Variants in HRK observed in about 807,000 individuals in gnomAD.
HRK encodes the protein harakiri, BCL2 interacting protein.
In HRK, 6 loss-of-function variants were observed where a neutral mutation model predicts 5.9. That is an observed-to-expected ratio of 1.02 (90% CI 0.56 to 2.01). The LOEUF (loss-of-function observed/expected upper bound fraction) is 2.01. HRK is among the 30% of genes most tolerant of loss of function. The probability of loss-of-function intolerance (pLI) is 0.00; values close to 1 mark genes in which losing one functional copy is unlikely to be tolerated. For missense variants in HRK, 133 were observed against 128.3 expected (o/e 1.04, Z -0.18); for synonymous variants, 85 against 65.1 (o/e 1.31, Z -1.47).
chr12:116,858,904 T>G lies in HRK; in HGVS notation c.*2619A>C, dbSNP rs963261209. The G allele has an allele frequency of 6.6e-5, 10 of 152,032 alleles. No homozygotes were observed. The highest frequency in any genetic ancestry group is 1.5e-4 in the Non-Finnish European group (10 of 68,032). The allele number at this position is 152,032 out of a possible 1,614,324, so 9.4% of individuals were successfully genotyped here. A position where few individuals can be genotyped will look rare whatever the true frequency, so the allele number is the denominator to read the frequency against. ...AGAGATGGTGGAGACAATATATACA[T>G]ATATATCATGCTTCAATTTCCTAAT... On this transcript the variant is annotated 3_prime_UTR_variant, in exon 2 of 2. Transcript: ENST00000257572.
At chr12:116,865,817 C>T (rs1002069036) in intron 1 of HRK, among the ~76,000 whole-genome samples, 5 of 152,176 alleles carry the variant, frequency 3.3e-5, no homozygotes, top group Non-Finnish European at 7.4e-5. Flanking sequence ...GTATACTAGG[C>T]GCTCAATTCA....
chr12:116,875,052 T>A (rs1041350392), intron 1 of HRK, among the ~76,000 whole-genome samples: 2 of 151,994 alleles, frequency 1.3e-5, no homozygotes, highest in African/African-American at 2.4e-5. Flanking sequence ...GAAAAAAAAA[T>A]TTAAAAATAA....
chr12:116,868,330 TAGA>T (rs1006837893), intron 1 of HRK, among the ~76,000 whole-genome samples: 9 of 152,116 alleles, frequency 5.9e-5, no homozygotes, highest in African/African-American at 2.2e-4. Context: ...CAAATTCAGC[TAGA>T]AGACCACCCA....
intron 1 of HRK, among the ~76,000 whole-genome samples, chr12:116,880,180 C>T (rs1397038608): frequency 6.6e-6 from 1 of 152,188 alleles, no homozygotes; most frequent in African/African-American, 2.4e-5. Flanking sequence ...GTGCCCAGCA[C>T]CCCGAAGGAG....
At chr12:116,874,252 T>C (rs767383118) in intron 1 of HRK, among the ~76,000 whole-genome samples, 2 of 152,150 alleles carry the variant, frequency 1.3e-5, no homozygotes, top group Non-Finnish European at 2.9e-5. Context: ...ACACTGCTTG[T>C]TTTTCTTTCC....
At chr12:116,868,006 G>T (rs558091453) in intron 1 of HRK, among the ~76,000 whole-genome samples, 137 of 152,180 alleles carry the variant, frequency 9.0e-4, no homozygotes, top group African/African-American at 3.2e-3. Context: ...TTCTAAAGGG[G>T]TTTCTGACAT....
At position 116,857,495 on chromosome 12, in the gene HRK, A is replaced by G. The variant is rs1878193071; in HGVS notation, c.*4028T>C. On this transcript the variant is annotated 3_prime_UTR_variant, in exon 2 of 2. Coordinates refer to ENST00000257572, the MANE Select transcript of HRK (RefSeq NM_003806.4). ...CAAAATCTGTGTTCTGGTCAATGCA[A>G]CTTGTAATATCAGGTGGACACTCAA... The G allele has an allele frequency of 6.6e-6, 1 of 152,200 alleles. No homozygotes were observed. The highest frequency in any genetic ancestry group is 6.5e-5 in the Admixed American group (1 of 15,284). The allele number at this position is 152,200 out of a possible 1,614,324, so 9.4% of individuals were successfully genotyped here. A position where few individuals can be genotyped will look rare whatever the true frequency, so the allele number is the denominator to read the frequency against.
chr12:116,862,762 CG>C lies in HRK; in HGVS notation c.*57-1297del, dbSNP rs1351910026. ...TTTGTTTGTTTTTGAGACAAGGTCTCGTTCTGTTGCCCAGGCTGGAGTGCAG... is the reference window on the plus strand; with the variant it reads ...TTTGTTTGTTTTTGAGACAAGGTCTCTTCTGTTGCCCAGGCTGGAGTGCAG... On this transcript the variant is annotated intron_variant, in intron 1 of 1. Coordinates refer to ENST00000257572, the MANE Select transcript of HRK (RefSeq NM_003806.4). This position sits in a 1 kb window ranked among gnomAD's most constrained non-coding sequence, Gnocchi z 4.0. 6.6e-6 allele frequency among the ~76,000 whole-genome samples: 1 copy of C among 152,028 alleles called. No individual in the cohort carries two copies. Among genetic ancestry groups the C allele is most frequent in the Non-Finnish European group, 1.5e-5 (1 of 68,006 alleles).
At chr12:116,880,734 A>G (rs1479561203) in intron 1 of HRK, among the ~76,000 whole-genome samples, 1 of 152,300 alleles carries the variant, frequency 6.6e-6, no homozygotes, top group East Asian at 1.9e-4. Flanking sequence ...ATAAGTGAGT[A>G]GCAAGATGCG....
At chr12:116,871,040 TC>T (rs200401533) in intron 1 of HRK, among the ~76,000 whole-genome samples, 4,048 of 152,246 alleles carry the variant, frequency 0.027, 177 homozygotes, top group African/African-American at 0.092. Flanking sequence ...TGCCTCAGCC[TC>T]CCAGGTAGCT....
intron 1 of HRK, among the ~76,000 whole-genome samples, chr12:116,880,362 G>A (rs911990474): frequency 6.6e-6 from 1 of 152,188 alleles, no homozygotes; most frequent in Non-Finnish European, 1.5e-5. Flanking sequence ...AGTTGGCAGG[G>A]CAGAGGAAAA....
At chr12:116,865,905 C>A (rs979347923) in intron 1 of HRK, among the ~76,000 whole-genome samples, 1 of 152,122 alleles carries the variant, frequency 6.6e-6, no homozygotes, top group Non-Finnish European at 1.5e-5. Flanking sequence ...CGCCTGTAAT[C>A]CCAGCAATTT....
chr12:116,863,529 C>G (rs915475628), intron 1 of HRK, among the ~76,000 whole-genome samples: 9 of 152,158 alleles, frequency 5.9e-5, no homozygotes, highest in African/African-American at 2.2e-4. Context: ...TTGAAGCTGT[C>G]CTAAATTCTC....
Position 116,858,169 on chromosome 12 carries a change from T to C in HRK, c.*3354A>G, listed in dbSNP as rs1428452163. The C allele has an allele frequency of 8.4e-6, 1 of 118,950 alleles. No individual in the cohort carries two copies. The highest frequency in any genetic ancestry group is 1.8e-5 in the Non-Finnish European group (1 of 56,814). The allele number at this position is 118,950 out of a possible 1,614,324, so 7.4% of individuals were successfully genotyped here. ...AAAACAGGAACTGGGCTCTAAGAGA[T>C]GCGCAGGGCCAAAAAAAACCCAAAA... On this transcript the variant is annotated 3_prime_UTR_variant, in exon 2 of 2. Coordinates refer to ENST00000257572, the MANE Select transcript of HRK (RefSeq NM_003806.4).
In HRK at chr12:116,879,668, C is replaced by A. The variant is rs1879068070; in HGVS notation, c.*56+1308G>T. 6.6e-6 allele frequency: 1 copy of A among 152,158 alleles called. No homozygotes were observed. Among genetic ancestry groups the A allele is most frequent in the African/African-American group, 2.4e-5 (1 of 41,454 alleles). The allele number at this position is 152,158 out of a possible 1,614,324, so 9.4% of individuals were successfully genotyped here. On this transcript the variant is annotated intron_variant, in intron 1 of 1. Transcript: ENST00000257572. This position sits in a 1 kb window ranked among gnomAD's most constrained non-coding sequence, Gnocchi z 5.6. ...TTCGCCAGCGCCCGGGCTGCGCGGG[C>A]CCACGCGACATCTGTCGCCTGCGGT...
chr12:116,881,311 C>T lies in HRK; in HGVS notation c.-4G>A. 1 of 1,064,054 alleles carries T rather than the reference C, an allele frequency of 9.4e-7. No individual in the cohort carries two copies. Among genetic ancestry groups the T allele is most frequent in the Non-Finnish European group, 1.1e-6 (1 of 882,496 alleles). The allele number at this position is 1,064,054 out of a possible 1,614,324, so 65.9% of individuals were successfully genotyped here. ...GGTGCAGGGGGCACGGGCACATGAC[C>T]GCTGGCCTCGCTCCCGCCCCGCGCT... is the stretch of plus-strand genomic sequence containing the variant. On this transcript the variant is annotated 5_prime_UTR_variant, in exon 1 of 2. Coordinates refer to ENST00000257572, the MANE Select transcript of HRK (RefSeq NM_003806.4).
chr12:116,872,946 A>G (rs61937625), intron 1 of HRK, among the ~76,000 whole-genome samples: 1 of 5,108 alleles, frequency 2.0e-4, no homozygotes, highest in African/African-American at 1.1e-3. Flanking sequence ...AATGGCAGAA[A>G]GAAGGAAAGA....
chr12:116,859,101 T>C lies in HRK; in HGVS notation c.*2422A>G, dbSNP rs1306811195. 6.6e-6 allele frequency: 1 copy of C among 152,184 alleles called. No individual in the cohort carries two copies. The highest frequency in any genetic ancestry group is 1.5e-5 in the Non-Finnish European group (1 of 68,042). The allele number at this position is 152,184 out of a possible 1,614,324, so 9.4% of individuals were successfully genotyped here. ...AAACAGGAGAATATCTACAAGGGAC[T>C]TGGCTGAGAAGCTCTATCAGGAGGT... On this transcript the variant is annotated 3_prime_UTR_variant, in exon 2 of 2. Coordinates refer to ENST00000257572, the MANE Select transcript of HRK (RefSeq NM_003806.4).
chr12:116,881,031 C>A lies in HRK; in HGVS notation c.*1G>T. 1 of 1,342,566 alleles carries A rather than the reference C, an allele frequency of 7.4e-7. No homozygotes were observed. Among genetic ancestry groups the A allele is most frequent in the South Asian group, 1.9e-5 (1 of 52,452 alleles). 83.2% of individuals were successfully genotyped at this position (1,342,566 alleles called of 1,614,324 possible). A position where few individuals can be genotyped will look rare whatever the true frequency, so the allele number is the denominator to read the frequency against. On this transcript the variant is annotated 3_prime_UTR_variant, in exon 1 of 2. Coordinates refer to ENST00000257572, the MANE Select transcript of HRK (RefSeq NM_003806.4). ...CGGCCCCACCAAGAAGCCCCGCGTT[C>A]CTACAAGTTCCGCCTGCCGAGCAGC...
Sources: gnomAD v4.1 joint callset for allele counts (sites outside exome capture counted in the v4.1 genomes callset) on GRCh38, gnomAD v4.1.1 for gene constraint, Gnocchi (gnomAD v3.1) non-coding constraint, MANE v1.5 for transcripts, NCBI Gene and HGNC (gene_info 2026-07-23, HGNC 2026-07-21) for gene names.